Variants in PDE1C observed in about 807,000 individuals in gnomAD.
The protein encoded by PDE1C is phosphodiesterase 1C, also known as dual specificity calcium/calmodulin-dependent 3',5'-cyclic nucleotide phosphodiesterase 1C.
In PDE1C, 62 loss-of-function variants were observed where a neutral mutation model predicts 93.1. The observed-to-expected ratio is 0.67, with a 90% CI of 0.54 to 0.82. PDE1C has a LOEUF of 0.82. Ranked by LOEUF, PDE1C falls within the 40% of genes least tolerant of loss-of-function variation. PDE1C has a pLI of 0.00. For missense variants in PDE1C, 742 were observed against 884.6 expected (o/e 0.84, Z 2.04); for synonymous variants, 325 against 310.1 (o/e 1.05, Z -0.50).
chr7:31,844,611 G>T (rs150270682), intron 9 of PDE1C, among the ~76,000 whole-genome samples: 1 of 152,028 alleles, frequency 6.6e-6, no homozygotes, highest in Non-Finnish European at 1.5e-5. Flanking sequence ...ATGTGCCTCA[G>T]TGTTCTTTTC....
At chr7:31,962,110 T>A (rs1474671979) in intron 2 of PDE1C, among the ~76,000 whole-genome samples, 1 of 152,212 alleles carries the variant, frequency 6.6e-6, no homozygotes, top group African/African-American at 2.4e-5. Context: ...TCAAGAAACT[T>A]CCAGTATCTT....
At chr7:32,231,180 G>T (rs1003982142) in intron 1 of PDE1C, among the ~76,000 whole-genome samples, 2 of 152,108 alleles carry the variant, frequency 1.3e-5, no homozygotes, top group East Asian at 1.9e-4. Context: ...GAACACAAAA[G>T]AAATTATGAA....
At chr7:32,337,455 T>C (rs1172639985) in intron 1 of PDE1C, among the ~76,000 whole-genome samples, 1 of 152,136 alleles carries the variant, frequency 6.6e-6, no homozygotes, top group Non-Finnish European at 1.5e-5. Context: ...AAAATTATAT[T>C]AAAAAGGTAT....
chr7:31,643,450 G>A, the PDE1C span: 6 of 1,614,014 alleles, frequency 3.7e-6, no homozygotes, highest in Non-Finnish European at 5.1e-6. Context: ...GACAGAAGCT[G>A]AGATGGAAAA....
chr7:31,989,021 GAGAGAGAGAA>G (rs910056019), intron 2 of PDE1C, among the ~76,000 whole-genome samples: 1 of 126,234 alleles, frequency 7.9e-6, no homozygotes, highest in African/African-American at 3.1e-5. Context: ...AAAAAAAAGA[GAGAGAGAGAA>G]AGAGAGAAAG....
the PDE1C span, among the ~76,000 whole-genome samples, chr7:31,702,211 T>TTA: frequency 1.4e-5 from 2 of 139,394 alleles, no homozygotes; most frequent in South Asian, 4.3e-4. Flanking sequence ...TTATTTATTT[T>TTA]TTTTTTTGCC....
At chr7:32,396,522 T>TGG (rs34693320) in intron 1 of PDE1C, among the ~76,000 whole-genome samples, 12 of 135,062 alleles carry the variant, frequency 8.9e-5, no homozygotes, top group African/African-American at 1.1e-4. Context: ...TATTGAAGTA[T>TGG]GGGGGGGGGG....
chr7:32,101,228 G>A (rs987350191), intron 3 of PDE1C, among the ~76,000 whole-genome samples: 2 of 152,196 alleles, frequency 1.3e-5, no homozygotes, highest in Admixed American at 6.5e-5. Flanking sequence ...TTCCCCACAC[G>A]TGGCCTTAAA....
chr7:31,801,450 T>C (rs949756813), intron 16 of PDE1C, among the ~76,000 whole-genome samples: 5 of 151,518 alleles, frequency 3.3e-5, no homozygotes, highest in Non-Finnish European at 7.4e-5. Context: ...TTAAATATTC[T>C]GTATGCACTT....
intron 2 of PDE1C, among the ~76,000 whole-genome samples, chr7:32,016,322 C>CAAG (rs1211816807): frequency 4.6e-5 from 7 of 152,278 alleles, no homozygotes; most frequent in African/African-American, 1.7e-4. Context: ...TTGGCAAAGC[C>CAAG]AAGAACCTTC....
At chr7:31,906,005 G>T (rs747146182) in intron 2 of PDE1C, among the ~76,000 whole-genome samples, 1 of 152,148 alleles carries the variant, frequency 6.6e-6, no homozygotes, top group South Asian at 2.1e-4. Context: ...CCCCATGATT[G>T]TAAGTTTCCT....
At chr7:31,935,679 C>T (rs73308677) in intron 2 of PDE1C, among the ~76,000 whole-genome samples, 1 of 152,200 alleles carries the variant, frequency 6.6e-6, no homozygotes, top group African/African-American at 2.4e-5. Context: ...TGTTTACAAT[C>T]CGGTCAGCGT....
the PDE1C span, among the ~76,000 whole-genome samples, chr7:31,711,706 T>A: frequency 6.6e-6 from 1 of 152,168 alleles, no homozygotes; most frequent in Non-Finnish European, 1.5e-5. Flanking sequence ...TTTAAGGAGG[T>A]GATAAGGTTA....
rs371428820 is a variant in PDE1C, at chr7:31,757,925, A to T, written c.1961-4372T>A. Among the ~76,000 whole-genome samples the T allele has an allele frequency of 1.6e-3, 240 of 152,354 alleles. 1 individual carries two copies. Among genetic ancestry groups the T allele is most frequent in the African/African-American group, 5.1e-3 (214 of 41,578 alleles). ...ATGTCCATCAATGATAGACTGAATT[A>T]AGAAAATGTGGCACATATACACCAT... On this transcript the variant is annotated intron_variant, in intron 17 of 17. Coordinates refer to ENST00000396191, the MANE Select transcript of PDE1C (RefSeq NM_001191057.4).
intron 1 of PDE1C, among the ~76,000 whole-genome samples, chr7:32,281,365 C>T (rs1334099539): frequency 6.6e-6 from 1 of 152,132 alleles, no homozygotes; most frequent in East Asian, 1.9e-4. Flanking sequence ...ACAAATATCA[C>T]AAAGGCTGAA....
intron 16 of PDE1C, among the ~76,000 whole-genome samples, chr7:31,801,044 G>GA (rs202103559): frequency 0.016 from 2,345 of 147,866 alleles, 30 homozygotes; most frequent in Non-Finnish European, 0.022. Context: ...CATTAAAAAA[G>GA]AAAAAAAAAT....
chr7:31,773,136 C>T (rs1343543730), intron 17 of PDE1C, among the ~76,000 whole-genome samples: 1 of 152,226 alleles, frequency 6.6e-6, no homozygotes, highest in East Asian at 1.9e-4. Flanking sequence ...TGTGTAGTAC[C>T]AGTTACACAG....
chr7:32,043,980 A>G (rs992738332), intron 2 of PDE1C, among the ~76,000 whole-genome samples: 4 of 152,180 alleles, frequency 2.6e-5, no homozygotes, highest in Non-Finnish European at 5.9e-5. Flanking sequence ...CTGACCCATG[A>G]TAGAAATATA....
chr7:31,861,413 C>T (rs1347031375), intron 7 of PDE1C, among the ~76,000 whole-genome samples: 1 of 152,000 alleles, frequency 6.6e-6, no homozygotes, highest in Non-Finnish European at 1.5e-5. Context: ...TCCAAGACTA[C>T]CTAATCTACA....
Sources: allele counts gnomAD v4.1 joint callset (sites outside exome capture counted in the v4.1 genomes callset), GRCh38; gene constraint gnomAD v4.1.1; transcripts MANE v1.5; gene names NCBI Gene and HGNC (gene_info 2026-07-23, HGNC 2026-07-21).